LARGE1: variants seen among roughly 807,000 people sequenced by gnomAD.
LARGE1 encodes xylosyl- and glucuronyltransferase LARGE1.
In LARGE1, 43 loss-of-function variants were observed where a neutral mutation model predicts 87.6. That is an observed-to-expected ratio of 0.49 (90% CI 0.38 to 0.63). The LOEUF (loss-of-function observed/expected upper bound fraction) is 0.63. Ranked by LOEUF, LARGE1 falls within the 30% of genes least tolerant of loss-of-function variation. LARGE1 has a pLI of 0.00. For synonymous variants in LARGE1, 434 were observed against 394.6 expected (o/e 1.10, Z -1.18); for missense variants, 802 against 1,000.2 (o/e 0.80, Z 2.67).
chr22:33,600,724 C>A (rs777177815), intron 5 of LARGE1, among the ~76,000 whole-genome samples: 1 of 152,096 alleles, frequency 6.6e-6, no homozygotes, highest in East Asian at 1.9e-4. Flanking sequence ...CAGGAGCCAG[C>A]GTCCGCAGAG....
intron 6 of LARGE1, among the ~76,000 whole-genome samples, chr22:33,515,015 C>G (rs572553239): frequency 6.6e-6 from 1 of 151,626 alleles, no homozygotes; most frequent in African/African-American, 2.4e-5. Flanking sequence ...CTTTATTTTG[C>G]TATTGAAAAT....
intron 3 of LARGE1, among the ~76,000 whole-genome samples, chr22:33,638,640 C>A (rs1040178026): frequency 6.6e-6 from 1 of 152,196 alleles, no homozygotes; most frequent in African/African-American, 2.4e-5. Flanking sequence ...GGTTTAATCC[C>A]AAGCTCTACC....
chr22:33,847,005 C>T (rs1301081933), intron 1 of LARGE1, among the ~76,000 whole-genome samples: 1 of 152,152 alleles, frequency 6.6e-6, no homozygotes, highest in Non-Finnish European at 1.5e-5. Flanking sequence ...GTGACCCACA[C>T]CCTATTCGTA....
the LARGE1 span, among the ~76,000 whole-genome samples, chr22:33,089,381 CT>C: frequency 2.2e-5 from 3 of 136,602 alleles, no homozygotes; most frequent in African/African-American, 8.2e-5. Flanking sequence ...CCTTCTTCTT[CT>C]TCTTCCTCTT....
intron 9 of LARGE1, among the ~76,000 whole-genome samples, chr22:33,348,879 T>A (rs1940079566): frequency 6.6e-6 from 1 of 152,104 alleles, no homozygotes; most frequent in African/African-American, 2.4e-5. Context: ...GGTAATTTAG[T>A]CATCGGGGTG....
At chr22:33,379,100 G>A (rs932123740) in intron 9 of LARGE1, among the ~76,000 whole-genome samples, 4 of 151,798 alleles carry the variant, frequency 2.6e-5, no homozygotes, top group Middle Eastern at 6.9e-3. Context: ...TTATTCAAGA[G>A]CATTTAAAGA....
rs144280336 is a variant in LARGE1 at position 33,302,763 on chromosome 22, T to G, written c.1730+1466A>C. Among the ~76,000 whole-genome samples the G allele has an allele frequency of 2.8e-3, 431 of 152,290 alleles. 2 individuals carry two copies. The highest frequency in any genetic ancestry group is 0.01 in the African/African-American group (419 of 41,564). On this transcript the variant is annotated intron_variant, in intron 12 of 14. Coordinates refer to ENST00000397394, the MANE Select transcript of LARGE1 (RefSeq NM_133642.5). ...AACCCCAGCGCAGCCCAACAACGTG[T>G]AGCAGGGTGACGGGCAGACCTGGGG...
At chr22:33,680,638 A>G (rs1196755714) in intron 2 of LARGE1, among the ~76,000 whole-genome samples, 1 of 152,168 alleles carries the variant, frequency 6.6e-6, no homozygotes, top group African/African-American at 2.4e-5. Flanking sequence ...ACAGACTGTT[A>G]GCTTTTGGAG....
chr22:33,416,535 AGTGTTTTGT>A (rs779725178), intron 7 of LARGE1, among the ~76,000 whole-genome samples: 50 of 150,754 alleles, frequency 3.3e-4, no homozygotes, highest in Non-Finnish European at 6.6e-4. Context: ...TGGGTCATCT[AGTGTTTTGT>A]GTGTTTTTTT....
At chr22:33,556,179 A>C (rs1054749444) in intron 6 of LARGE1, among the ~76,000 whole-genome samples, 1 of 151,700 alleles carries the variant, frequency 6.6e-6, no homozygotes, top group Non-Finnish European at 1.5e-5. Flanking sequence ...GACTTTCTAC[A>C]CTTGCATGTA....
chr22:33,851,693 G>C (rs1256461079), intron 1 of LARGE1, among the ~76,000 whole-genome samples: 1 of 152,240 alleles, frequency 6.6e-6, no homozygotes, highest in African/African-American at 2.4e-5. Flanking sequence ...AGGATGTCAG[G>C]AGGAGCTCAT....
chr22:33,092,247 C>CT, the LARGE1 span, among the ~76,000 whole-genome samples: 993 of 145,682 alleles, frequency 6.8e-3, 6 homozygotes, highest in African/African-American at 0.02. Flanking sequence ...ATCTCCAGGG[C>CT]TTTTTTTTTT....
the LARGE1 span, among the ~76,000 whole-genome samples, chr22:33,133,661 G>A: frequency 2.0e-5 from 3 of 152,168 alleles, no homozygotes; most frequent in Admixed American, 1.3e-4. Context: ...TGTCTTTATC[G>A]TAGAATGATT....
intron 7 of LARGE1, among the ~76,000 whole-genome samples, chr22:33,411,500 A>G (rs942503558): frequency 1.3e-5 from 2 of 152,240 alleles, no homozygotes; most frequent in African/African-American, 4.8e-5. Context: ...ATAAACATGC[A>G]CACATCTGTT....
At chr22:33,369,301 G>T (rs1452324795) in intron 9 of LARGE1, among the ~76,000 whole-genome samples, 3 of 152,206 alleles carry the variant, frequency 2.0e-5, no homozygotes, top group Non-Finnish European at 4.4e-5. Context: ...GCTCTCAAGA[G>T]ATTGATAAGA....
At chr22:33,096,833 G>A in the LARGE1 span, among the ~76,000 whole-genome samples, 1 of 152,188 alleles carries the variant, frequency 6.6e-6, no homozygotes, top group Non-Finnish European at 1.5e-5. Context: ...CCAAAGTGCT[G>A]GGATTACAGG....
At chr22:33,720,514 C>T (rs2083063386) in intron 2 of LARGE1, among the ~76,000 whole-genome samples, 1 of 152,106 alleles carries the variant, frequency 6.6e-6, no homozygotes, top group Non-Finnish European at 1.5e-5. Context: ...AACAAAATTG[C>T]CTAACAACGC....
chr22:33,398,991 T>A (rs2065846151), intron 7 of LARGE1, among the ~76,000 whole-genome samples: 1 of 152,128 alleles, frequency 6.6e-6, no homozygotes, highest in Non-Finnish European at 1.5e-5. Context: ...TTAAAAAAAA[T>A]TTATTTTAAG....
At chr22:33,557,369 T>C (rs1170208740) in intron 6 of LARGE1, among the ~76,000 whole-genome samples, 1 of 152,184 alleles carries the variant, frequency 6.6e-6, no homozygotes. Context: ...CGCTAGTTTC[T>C]GATTCTGAGT....
Sources: gnomAD v4.1 joint callset for allele counts (sites outside exome capture counted in the v4.1 genomes callset) on GRCh38, gnomAD v4.1.1 for gene constraint, MANE v1.5 for transcripts, NCBI Gene and HGNC (gene_info 2026-07-23, HGNC 2026-07-21) for gene names.